The following DCP2 variants were observed in gnomAD, a reference collection of about 807,000 sequenced individuals.
DCP2 encodes m7GpppN-mRNA hydrolase.
DCP2 carries 30 observed loss-of-function variants against 56.1 expected under a neutral mutation model. The ratio of observed to expected loss-of-function variants is 0.53; its 90% confidence interval spans 0.40 to 0.73. The LOEUF is 0.73. Among genes scored for constraint, DCP2 ranks in the 30% least tolerant of loss-of-function variants. The probability of loss-of-function intolerance (pLI) is 0.00; values close to 1 mark genes in which losing one functional copy is unlikely to be tolerated. For synonymous variants in DCP2, 197 were observed against 163.3 expected (o/e 1.21, Z -1.57); for missense variants, 533 against 502.7 (o/e 1.06, Z -0.58).
intron 4 of DCP2, among the ~76,000 whole-genome samples, chr5:112,996,621 G>A (rs529564284): frequency 6.6e-6 from 1 of 152,346 alleles, no homozygotes; most frequent in East Asian, 1.9e-4. Context: ...TGTGGGCTAA[G>A]CCTAAAGCAG....
chr5:113,006,407 C>G (rs1463527270), intron 8 of DCP2, among the ~76,000 whole-genome samples: 2 of 152,118 alleles, frequency 1.3e-5, no homozygotes, highest in Admixed American at 6.5e-5. Context: ...TATACATTCA[C>G]AAGTGGTTGA....
Position 113,019,855 on chromosome 5 carries a change from G to A in DCP2, c.*6371G>A, listed in dbSNP as rs982194497. ...CATCTCATTTCAGAATAAAATAAAC[G>A]GAATTACAGTTCATGCATTAGCATT... On this transcript the variant is annotated 3_prime_UTR_variant, in exon 11 of 11. Coordinates refer to ENST00000389063, the MANE Select transcript of DCP2 (RefSeq NM_152624.6). The A allele has an allele frequency of 2.0e-5, 3 of 151,974 alleles. No individual in the cohort carries two copies. Among genetic ancestry groups the A allele is most frequent in the African/African-American group, 4.8e-5 (2 of 41,350 alleles). The allele number at this position is 151,974 out of a possible 1,614,324, so 9.4% of individuals were successfully genotyped here.
intron 8 of DCP2, among the ~76,000 whole-genome samples, chr5:113,007,600 C>T (rs1749499246): frequency 6.6e-6 from 1 of 151,914 alleles, no homozygotes; most frequent in African/African-American, 2.4e-5. Context: ...CGGGGTTTTG[C>T]TGTGTTAGCC....
At chr5:113,005,634 C>G (rs1749391838) in intron 8 of DCP2, among the ~76,000 whole-genome samples, 1 of 152,200 alleles carries the variant, frequency 6.6e-6, no homozygotes, top group African/African-American at 2.4e-5. Context: ...CCATGTGACT[C>G]AGCAATTCCA....
intron 9 of DCP2, among the ~76,000 whole-genome samples, chr5:113,008,849 CTT>C (rs201529934): frequency 1.4e-5 from 2 of 147,374 alleles, no homozygotes; most frequent in Admixed American, 6.8e-5. Context: ...AGACAGATAA[CTT>C]TTTTTTTTTT....
chr5:113,012,571 A>C (rs1004113308), intron 10 of DCP2, among the ~76,000 whole-genome samples: 1 of 149,504 alleles, frequency 6.7e-6, no homozygotes, highest in Non-Finnish European at 1.5e-5. Context: ...GGAGGGGGGA[A>C]AAAATCCCAG....
chr5:113,011,375 G>T (rs1427524109), intron 10 of DCP2, among the ~76,000 whole-genome samples: 2 of 152,182 alleles, frequency 1.3e-5, no homozygotes, highest in African/African-American at 2.4e-5. Context: ...TAGGTGTGTT[G>T]TCTGATTCGG....
intron 1 of DCP2, among the ~76,000 whole-genome samples, chr5:112,983,393 A>AT (rs1561684292): frequency 6.6e-6 from 1 of 152,168 alleles, no homozygotes; most frequent in Non-Finnish European, 1.5e-5. Context: ...AATTAATGTA[A>AT]TTGATATGGG....
chr5:113,009,644 A>G (rs951796582), intron 9 of DCP2, among the ~76,000 whole-genome samples: 1 of 145,852 alleles, frequency 6.9e-6, no homozygotes, highest in Non-Finnish European at 1.5e-5. Flanking sequence ...TGGAAAACAA[A>G]TATTGAAGAA....
chr5:112,989,618 C>A (rs1434524192), intron 2 of DCP2, among the ~76,000 whole-genome samples: 1 of 152,062 alleles, frequency 6.6e-6, no homozygotes, highest in Admixed American at 6.6e-5. Flanking sequence ...CTTTAAAAAA[C>A]AGATTAAAAA....
In DCP2 at chr5:113,020,715, G is replaced by A. The variant is rs1750079016; in HGVS notation, c.*7231G>A. 6.6e-6 allele frequency: 1 copy of A among 152,156 alleles called. No homozygotes were observed. The highest frequency in any genetic ancestry group is 6.5e-5 in the Admixed American group (1 of 15,276). The allele number at this position is 152,156 out of a possible 1,614,324, so 9.4% of individuals were successfully genotyped here. A position where few individuals can be genotyped will look rare whatever the true frequency, so the allele number is the denominator to read the frequency against. On this transcript the variant is annotated 3_prime_UTR_variant, in exon 11 of 11. Coordinates refer to ENST00000389063, the MANE Select transcript of DCP2 (RefSeq NM_152624.6). ...TGTACTTCCAAAGACCCACTAGAATGTCAGCTGTACTCTGTACTCTCCACT... is the reference window on the plus strand; with the variant it reads ...TGTACTTCCAAAGACCCACTAGAATATCAGCTGTACTCTGTACTCTCCACT...
chr5:113,020,127 A>G lies in DCP2; in HGVS notation c.*6643A>G, dbSNP rs1402360491. The G allele has an allele frequency of 6.6e-6, 1 of 152,242 alleles. No individual in the cohort carries two copies. The highest frequency in any genetic ancestry group is 1.9e-4 in the East Asian group (1 of 5,206). The allele number at this position is 152,242 out of a possible 1,614,324, so 9.4% of individuals were successfully genotyped here. ...GAAGATATTTATGCTGAGTTATGTT[A>G]AGCAAATTATTTTGAGACCTTTTGC... On this transcript the variant is annotated 3_prime_UTR_variant, in exon 11 of 11. Transcript: ENST00000389063.
Position 113,010,735 on chromosome 5 carries a change from GTTTTTT to G in DCP2, c.1048-12_1048-7del. 3 of 1,065,756 alleles carry G rather than the reference GTTTTTT, an allele frequency of 2.8e-6. No homozygotes were observed. The highest frequency in any genetic ancestry group is 3.5e-6 in the Non-Finnish European group (3 of 868,272). 66.0% of individuals were successfully genotyped at this position (1,065,756 alleles called of 1,614,324 possible). A position where few individuals can be genotyped will look rare whatever the true frequency, so the allele number is the denominator to read the frequency against. On this transcript the variant is annotated splice_polypyrimidine_tract_variant and intron_variant, in intron 9 of 10. Transcript: ENST00000389063. Reference sequence around the variant, plus strand: ...CTGTGTTGTATGTGTGTGTGTGTGTGTTTTTTTTTTTTTTAAATAGAAGTGTGAAAA... The same window carrying G: ...CTGTGTTGTATGTGTGTGTGTGTGTGTTTTTTTTAAATAGAAGTGTGAAAA...
At position 113,007,949 on chromosome 5, in the gene DCP2, G is replaced by T; in HGVS notation, c.954G>T (p.Met318Ile). ...TTTTGGGAAAACAGAATCAAAGTAT[G>T]AGGGGAAATGGCAGAAAACAGTATC... ...SDLLKGKNQS[M>I]RGNGRKQYQD... The change falls in exon 9 of 11, where the codon ATG becomes ATT. Residue 318 changes from methionine to isoleucine, a missense_variant. Met to Ile is a conservative substitution (Grantham distance 10). This residue lies in a region of DCP2 where 392 missense variants were observed against 346.6 expected (regional missense o/e 1.13). Transcript: ENST00000389063. The T allele has an allele frequency of 6.2e-7, 1 of 1,613,540 alleles. No homozygotes were observed. Among genetic ancestry groups the T allele is most frequent in the Non-Finnish European group, 8.5e-7 (1 of 1,179,684 alleles).
At position 113,017,557 on chromosome 5, in the gene DCP2, C is replaced by T. The variant is rs1749939341; in HGVS notation, c.*4073C>T. 6.6e-6 allele frequency: 1 copy of T among 152,108 alleles called. No homozygotes were observed. The highest frequency in any genetic ancestry group is 1.5e-5 in the Non-Finnish European group (1 of 68,020). 9.4% of individuals were successfully genotyped at this position (152,108 alleles called of 1,614,324 possible). A position where few individuals can be genotyped will look rare whatever the true frequency, so the allele number is the denominator to read the frequency against. On this transcript the variant is annotated 3_prime_UTR_variant, in exon 11 of 11. Transcript: ENST00000389063. ...GCTCTTGAAGTCTGTACTCCTGTGT[C>T]AGAAAGATGGCAGACTGCAAATGGG... is the stretch of plus-strand genomic sequence containing the variant.
At chr5:113,005,816 A>G (rs537286304) in intron 8 of DCP2, among the ~76,000 whole-genome samples, 1 of 152,370 alleles carries the variant, frequency 6.6e-6, no homozygotes, top group East Asian at 1.9e-4. Context: ...AATATCATTC[A>G]GCTTTAAAGG....
rs1022555082 is a variant in DCP2, at chr5:113,019,277, G to C, written c.*5793G>C. On this transcript the variant is annotated 3_prime_UTR_variant, in exon 11 of 11. Transcript: ENST00000389063. The stretch of plus-strand genomic sequence containing the variant: ...GGTTCTCAACTGTGAATGAAATTTA[G>C]AAAGATAATTCTTCAGCAGTTGGTT... The C allele has an allele frequency of 1.6e-4, 25 of 152,322 alleles. No individual in the cohort carries two copies. The highest frequency in any genetic ancestry group is 2.8e-4 in the Non-Finnish European group (19 of 68,038). The allele number at this position is 152,322 out of a possible 1,614,324, so 9.4% of individuals were successfully genotyped here.
intron 2 of DCP2, among the ~76,000 whole-genome samples, chr5:112,989,580 A>C (rs979225352): frequency 1.3e-5 from 2 of 152,214 alleles, no homozygotes; most frequent in Non-Finnish European, 2.9e-5. Context: ...AGAGGCTAAA[A>C]CATGTAGGGG....
chr5:113,010,263 C>T (rs976621687), intron 9 of DCP2, among the ~76,000 whole-genome samples: 23 of 142,334 alleles, frequency 1.6e-4, no homozygotes, highest in Non-Finnish European at 3.5e-4. Flanking sequence ...CCAGACTGGT[C>T]TTGAACTGCT....
Sources: gnomAD v4.1 joint callset for allele counts (sites outside exome capture counted in the v4.1 genomes callset) on GRCh38, gnomAD v4.1.1 for gene constraint, gnomAD v4.1.1 regional missense constraint, MANE v1.5 for transcripts, NCBI Gene and HGNC (gene_info 2026-07-23, HGNC 2026-07-21) for gene names.